KLHL14: variants seen among roughly 807,000 people sequenced by gnomAD.
The protein encoded by KLHL14 is kelch-like protein 14.
A neutral mutation model predicts 64.3 loss-of-function variants in KLHL14; 22 were observed. That is an observed-to-expected ratio of 0.34 (90% CI 0.24 to 0.49). KLHL14 has a LOEUF of 0.49. Ranked by LOEUF, KLHL14 falls within the 20% of genes least tolerant of loss-of-function variation. The pLI is 0.99. For missense variants in KLHL14, 661 were observed against 789.0 expected (o/e 0.84, Z 1.94); for synonymous variants, 322 against 333.4 (o/e 0.97, Z 0.37).
chr18:32,696,856 C>T (rs1343148871), intron 3 of KLHL14, among the ~76,000 whole-genome samples: 1 of 152,168 alleles, frequency 6.6e-6, no homozygotes, highest in Non-Finnish European at 1.5e-5. Context: ...AGACTCATAA[C>T]ACAGCCTCTG....
At chr18:32,736,332 C>T (rs2050165980) in intron 3 of KLHL14, among the ~76,000 whole-genome samples, 1 of 152,078 alleles carries the variant, frequency 6.6e-6, no homozygotes, top group South Asian at 2.1e-4. Context: ...CCATGTATCT[C>T]AAATTAGAAT....
intron 3 of KLHL14, among the ~76,000 whole-genome samples, chr18:32,731,573 G>A (rs1332397575): frequency 6.6e-6 from 1 of 152,082 alleles, no homozygotes; most frequent in Non-Finnish European, 1.5e-5. Context: ...AATATGTACT[G>A]TGACATGTAT....
chr18:32,681,527 T>C (rs2049838690), intron 5 of KLHL14, among the ~76,000 whole-genome samples: 1 of 152,106 alleles, frequency 6.6e-6, no homozygotes, highest in Non-Finnish European at 1.5e-5. Flanking sequence ...GGATGATTAG[T>C]TTGAAACTTG....
intron 2 of KLHL14, among the ~76,000 whole-genome samples, chr18:32,753,064 A>G (rs551355463): frequency 2.0e-5 from 3 of 151,698 alleles, no homozygotes; most frequent in East Asian, 3.9e-4. Context: ...GTTCTAAGCA[A>G]TTATATTTAC....
Position 32,674,129 on chromosome 18 carries a change from C to T in KLHL14, c.*528G>A, listed in dbSNP as rs968782338. 1 of 152,508 alleles carries T rather than the reference C, an allele frequency of 6.6e-6. No homozygotes were observed. The highest frequency in any genetic ancestry group is 1.5e-5 in the Non-Finnish European group (1 of 68,118). The allele number at this position is 152,508 out of a possible 1,614,324, so 9.4% of individuals were successfully genotyped here. Reference sequence around the variant, plus strand: ...AGAAACGAAAATGCCTCTCTTTAATCTTACATGATTTTCAATAACAGTGTT... The same window carrying T: ...AGAAACGAAAATGCCTCTCTTTAATTTTACATGATTTTCAATAACAGTGTT... On this transcript the variant is annotated 3_prime_UTR_variant, in exon 9 of 9. Transcript: ENST00000359358.
In KLHL14 at chr18:32,727,924, G is replaced by C. The variant is rs189835537; in HGVS notation, c.1069+14004C>G. ...TTAGAAAGTTACGTCTTGGCACACA[G>C]CCCTTACCATTGTGATTTTTGCAAG... is the stretch of plus-strand genomic sequence containing the variant. On this transcript the variant is annotated intron_variant, in intron 3 of 8. Coordinates refer to ENST00000359358, the MANE Select transcript of KLHL14 (RefSeq NM_020805.3). 4.6e-3 allele frequency among the ~76,000 whole-genome samples: 685 copies of C among 150,404 alleles called. 3 individuals carry two copies. Among genetic ancestry groups the C allele is most frequent in the Non-Finnish European group, 7.6e-3 (513 of 67,594 alleles).
intron 2 of KLHL14, among the ~76,000 whole-genome samples, chr18:32,766,214 T>C (rs1206640281): frequency 6.6e-6 from 1 of 152,062 alleles, no homozygotes; most frequent in African/African-American, 2.4e-5. Flanking sequence ...TTTATCCAGT[T>C]AATTAATATC....
At chr18:32,731,953 G>T (rs1428495940) in intron 3 of KLHL14, among the ~76,000 whole-genome samples, 1 of 152,120 alleles carries the variant, frequency 6.6e-6, no homozygotes, top group Non-Finnish European at 1.5e-5. Context: ...GAGCGCGGTG[G>T]CTTACACCTG....
intron 3 of KLHL14, among the ~76,000 whole-genome samples, chr18:32,715,233 T>C (rs2050039290): frequency 6.6e-6 from 1 of 152,198 alleles, no homozygotes; most frequent in Admixed American, 6.5e-5. Flanking sequence ...AGAATTTAGC[T>C]CTGCCCTTTA....
At position 32,680,308 on chromosome 18, in the gene KLHL14, T is replaced by G; in HGVS notation, c.1449A>C (p.Glu483Asp). ...CATAGCAATATAGCCATGGGACATA[T>G]TCTCCATTGTGTACACCCCCTGTGA... The part of the protein sequence containing the change: ...IYISGGVHNG[E>D]YVPWLYCYDP... The change falls in exon 7 of 9, where the codon GAA becomes GAC. Residue 483 changes from glutamate to aspartate, a missense_variant. Glu to Asp is a conservative substitution (Grantham distance 45). This residue lies in a region of KLHL14 where 330 missense variants were observed against 450.0 expected (regional missense o/e 0.73). Coordinates refer to ENST00000359358, the MANE Select transcript of KLHL14 (RefSeq NM_020805.3). This position sits in a 1 kb window ranked among gnomAD's most constrained non-coding sequence, Gnocchi z 4.8. 3 of 1,613,924 alleles carry G rather than the reference T, an allele frequency of 1.9e-6. No individual in the cohort carries two copies. Among genetic ancestry groups the G allele is most frequent in the Non-Finnish European group, 2.5e-6 (3 of 1,179,858 alleles).
rs1416015229 is a variant in KLHL14 at position 32,677,230 on chromosome 18, A to C, written c.1689T>G (p.Pro563=). The C allele has an allele frequency of 6.2e-7, 1 of 1,613,634 alleles. No homozygotes were observed. Among genetic ancestry groups the C allele is most frequent in the Admixed American group, 1.7e-5 (1 of 59,952 alleles). Residue 563 remains proline (P), a synonymous_variant, in exon 8 of 9, where the codon CCT becomes CCG. Transcript: ENST00000359358. The stretch of plus-strand genomic sequence containing the variant: ...TGCTGTCATCAAGCACTGCACAGCC[A>C]GGGCCACTTCGACCCTCCAAAATGG... The part of the protein sequence containing the change: ...QTPILEGRSG[P]GCAVLDDSIY...
At chr18:32,734,040 G>A (rs997146806) in intron 3 of KLHL14, 7 of 642,538 alleles carry the variant, frequency 1.1e-5, no homozygotes, top group Non-Finnish European at 1.7e-5. Context: ...CCTCCACAAT[G>A]AGCTTGATGA....
At chr18:32,745,553 GA>G (rs956468520) in intron 2 of KLHL14, 43 of 152,246 alleles carry the variant, frequency 2.8e-4, no homozygotes, top group African/African-American at 1.0e-3. Context: ...GAAGATTTCT[GA>G]ATCCGAATAA....
At chr18:32,709,937 G>A (rs1415745722) in intron 3 of KLHL14, among the ~76,000 whole-genome samples, 1 of 152,184 alleles carries the variant, frequency 6.6e-6, no homozygotes, top group Non-Finnish European at 1.5e-5. Flanking sequence ...AAATAAGTAT[G>A]TAGGTTTAGC....
At chr18:32,679,778 C>T (rs1318117406) in intron 7 of KLHL14, among the ~76,000 whole-genome samples, 2 of 152,014 alleles carry the variant, frequency 1.3e-5, no homozygotes, top group Admixed American at 1.3e-4. Context: ...GCACTTATGA[C>T]TAAAGTTCCT....
intron 3 of KLHL14, among the ~76,000 whole-genome samples, chr18:32,716,288 G>A (rs1484516617): frequency 1.3e-5 from 2 of 152,146 alleles, no homozygotes; most frequent in African/African-American, 4.8e-5. Flanking sequence ...AGCGGGCAAA[G>A]CCAAAGGGCA....
At chr18:32,707,007 C>T (rs149419419) in intron 3 of KLHL14, among the ~76,000 whole-genome samples, 379 of 152,274 alleles carry the variant, frequency 2.5e-3, no homozygotes, top group African/African-American at 8.5e-3. Context: ...GTGGGCTAAG[C>T]TGGTGCAGTG....
Position 32,695,358 on chromosome 18 carries a change from C to A in KLHL14, c.1159+105G>T, listed in dbSNP as rs2049931483. 3.9e-5 allele frequency: 29 copies of A among 739,854 alleles called. 1 individual carries two copies. The East Asian group carries it at 7.5e-4, about 19-fold the overall frequency. The allele number at this position is 739,854 out of a possible 1,614,324, so 45.8% of individuals were successfully genotyped here. A position where few individuals can be genotyped will look rare whatever the true frequency, so the allele number is the denominator to read the frequency against. ...CTTACTACTTCATTTGTCCCCGTTG[C>A]ACAGAAATGTATTTTCCACACTAAT... On this transcript the variant is annotated intron_variant, in intron 4 of 8. Transcript: ENST00000359358.
At chr18:32,675,188 T>TAC (rs1018290133) in intron 8 of KLHL14, among the ~76,000 whole-genome samples, 1 of 151,966 alleles carries the variant, frequency 6.6e-6, no homozygotes, top group African/African-American at 2.4e-5. Flanking sequence ...ACCTCATCTT[T>TAC]ACACACACAC....
Sources: gnomAD v4.1 joint callset for allele counts (sites outside exome capture counted in the v4.1 genomes callset) on GRCh38, gnomAD v4.1.1 for gene constraint, gnomAD v4.1.1 regional missense constraint, Gnocchi (gnomAD v3.1) non-coding constraint, MANE v1.5 for transcripts, NCBI Gene and HGNC (gene_info 2026-07-23, HGNC 2026-07-21) for gene names.